The following FRMD4A variants were observed in gnomAD, a reference collection of about 807,000 sequenced individuals.
The protein encoded by FRMD4A is FERM domain-containing protein 4A.
Under a neutral mutation model 129.1 loss-of-function variants are expected in FRMD4A, and 29 were observed. That is an observed-to-expected ratio of 0.22 (90% CI 0.17 to 0.31). The LOEUF (loss-of-function observed/expected upper bound fraction) is 0.31, where lower values mean the gene tolerates loss of function less well. Among genes scored for constraint, FRMD4A ranks in the 10% least tolerant of loss-of-function variants. The pLI is 1.00. For synonymous variants in FRMD4A, 634 were observed against 571.6 expected, an observed-to-expected ratio of 1.11 and a Z score of -1.56; for missense variants, 1,272 against 1,375.8, an observed-to-expected ratio of 0.92 and a Z score of 1.19.
At chr10:14,188,042 C>T (rs1842202404) in intron 2 of FRMD4A, among the ~76,000 whole-genome samples, 1 of 152,192 alleles carries the variant, frequency 6.6e-6, no homozygotes, top group African/African-American at 2.4e-5. Context: ...ACACTTAAAA[C>T]TCTAACCTCC....
chr10:13,836,903 A>G (rs956292293), intron 3 of FRMD4A, among the ~76,000 whole-genome samples: 5 of 149,902 alleles, frequency 3.3e-5, no homozygotes, highest in South Asian at 2.1e-4. Context: ...GACTACAGGC[A>G]CCCGCCACCA....
chr10:13,706,151 C>T (rs2087415520), intron 13 of FRMD4A, among the ~76,000 whole-genome samples: 2 of 152,228 alleles, frequency 1.3e-5, no homozygotes, highest in Admixed American at 1.3e-4. Context: ...GCGCCTAAAA[C>T]CCACTTTTGC....
chr10:14,314,101 C>T (rs188115918), intron 2 of FRMD4A, among the ~76,000 whole-genome samples: 8 of 152,218 alleles, frequency 5.3e-5, no homozygotes, highest in Non-Finnish European at 1.5e-5. Flanking sequence ...AAGAAATGCC[C>T]AACCACAGCT....
chr10:13,985,207 C>G (rs942560292), intron 2 of FRMD4A, among the ~76,000 whole-genome samples: 1 of 152,242 alleles, frequency 6.6e-6, no homozygotes, highest in Non-Finnish European at 1.5e-5. Flanking sequence ...AAGTCCGGCT[C>G]ACGTGTTTGG....
intron 2 of FRMD4A, among the ~76,000 whole-genome samples, chr10:13,884,124 ACACACACG>A (rs2094579103): frequency 2.3e-5 from 2 of 85,790 alleles, no homozygotes; most frequent in African/African-American, 6.1e-5. Context: ...ACACACACTC[ACACACACG>A]CTCACACACA....
intron 2 of FRMD4A, among the ~76,000 whole-genome samples, chr10:14,018,871 C>G (rs550660809): frequency 6.6e-6 from 1 of 152,234 alleles, no homozygotes; most frequent in East Asian, 1.9e-4. Context: ...GATGCCTGAA[C>G]ATTTTGACCT....
chr10:14,098,046 ATT>A (rs1564288731), intron 2 of FRMD4A, among the ~76,000 whole-genome samples: 2 of 91,468 alleles, frequency 2.2e-5, no homozygotes, highest in African/African-American at 6.8e-5. Context: ...TATATAAATT[ATT>A]TATTATATAA....
intron 2 of FRMD4A, among the ~76,000 whole-genome samples, chr10:14,185,742 CAGT>C (rs1187117752): frequency 1.3e-5 from 2 of 152,190 alleles, no homozygotes; most frequent in Non-Finnish European, 2.9e-5. Flanking sequence ...ATGGCAACAG[CAGT>C]AGACCAGGCT....
rs192904404 is a variant in FRMD4A, at chr10:14,058,338, A to G, written c.46-199426T>C. On this transcript the variant is annotated intron_variant, in intron 2 of 24. Coordinates refer to ENST00000357447, the MANE Select transcript of FRMD4A (RefSeq NM_018027.5). ...ATCATTTGCTACATGTTTGAGATGC[A>G]TATTTTACTTTCAAAATATTCATTT... 2.6e-3 allele frequency among the ~76,000 whole-genome samples: 394 copies of G among 152,312 alleles called. 5 individuals carry two copies. The highest frequency in any genetic ancestry group is 1.4e-3 in the South Asian group (7 of 4,830).
intron 2 of FRMD4A, among the ~76,000 whole-genome samples, chr10:14,221,675 T>G (rs1843265520): frequency 6.6e-6 from 1 of 152,018 alleles, no homozygotes; most frequent in Admixed American, 6.5e-5. Context: ...TCCTCCCGCC[T>G]CTGCCTCCCA....
intron 2 of FRMD4A, among the ~76,000 whole-genome samples, chr10:13,945,364 G>T (rs1254146984): frequency 6.6e-6 from 1 of 152,100 alleles, no homozygotes; most frequent in African/African-American, 2.4e-5. Flanking sequence ...TGGTGAATTT[G>T]TAATAGGTTT....
At chr10:14,000,245 A>G (rs891525785) in intron 2 of FRMD4A, among the ~76,000 whole-genome samples, 5 of 152,196 alleles carry the variant, frequency 3.3e-5, no homozygotes, top group Non-Finnish European at 7.3e-5. Context: ...ATAAAAGTGG[A>G]TTGTTTTCAA....
intron 2 of FRMD4A, among the ~76,000 whole-genome samples, chr10:14,006,679 T>G (rs193216472): frequency 6.6e-5 from 10 of 152,294 alleles, no homozygotes; most frequent in African/African-American, 2.4e-4. Flanking sequence ...TGAATAAATA[T>G]CTTAATAATA....
intron 3 of FRMD4A, among the ~76,000 whole-genome samples, chr10:13,818,861 C>G (rs1376125536): frequency 6.6e-6 from 1 of 152,144 alleles, no homozygotes; most frequent in African/African-American, 2.4e-5. Context: ...CACGGTGGCT[C>G]ACGCCTATAA....
At chr10:14,022,241 G>A (rs762638758) in intron 2 of FRMD4A, among the ~76,000 whole-genome samples, 1 of 152,140 alleles carries the variant, frequency 6.6e-6, no homozygotes, top group Non-Finnish European at 1.5e-5. Context: ...GCTTCGCAGA[G>A]GGGAGAGAAT....
intron 2 of FRMD4A, among the ~76,000 whole-genome samples, chr10:14,051,992 G>A (rs960395324): frequency 1.3e-5 from 2 of 152,222 alleles, no homozygotes; most frequent in Non-Finnish European, 2.9e-5. Flanking sequence ...GGTCACACTG[G>A]AGTAGGGTAA....
intron 2 of FRMD4A, among the ~76,000 whole-genome samples, chr10:14,004,423 T>C (rs1305420594): frequency 1.3e-5 from 2 of 152,138 alleles, no homozygotes; most frequent in African/African-American, 4.8e-5. Context: ...ACGCCTGTAA[T>C]ACCAGTTGCT....
At chr10:13,784,396 ACAG>A (rs1400741956) in intron 5 of FRMD4A, among the ~76,000 whole-genome samples, 1 of 152,014 alleles carries the variant, frequency 6.6e-6, no homozygotes, top group South Asian at 2.1e-4. Context: ...GTAAACAACA[ACAG>A]CAGCAGCAAA....
intron 2 of FRMD4A, among the ~76,000 whole-genome samples, chr10:14,093,005 T>C (rs1836744345): frequency 6.6e-6 from 1 of 152,144 alleles, no homozygotes; most frequent in Non-Finnish European, 1.5e-5. Flanking sequence ...CCCAAGAGCA[T>C]TCAGCTGGAA....
Sources: gnomAD v4.1 joint callset for allele counts (sites outside exome capture counted in the v4.1 genomes callset) on GRCh38, gnomAD v4.1.1 for gene constraint, MANE v1.5 for transcripts, NCBI Gene and HGNC (gene_info 2026-07-23, HGNC 2026-07-21) for gene names.